The following VTA1 variants were observed in gnomAD, a reference collection of about 807,000 sequenced individuals.
The protein encoded by VTA1 is vacuolar protein sorting-associated protein VTA1 homolog.
A neutral mutation model predicts 36.9 loss-of-function variants in VTA1; 24 were observed. The observed-to-expected ratio is 0.65, with a 90% CI of 0.47 to 0.91. VTA1 has a LOEUF of 0.91. VTA1 is among the 40% of genes least tolerant of loss of function. VTA1 has a pLI of 0.00. For synonymous variants in VTA1, 142 were observed against 130.2 expected, an observed-to-expected ratio of 1.09 and a Z score of -0.62; for missense variants, 393 against 377.2, an observed-to-expected ratio of 1.04 and a Z score of -0.35.
Position 142,219,899 on chromosome 6 carries a change from G to A in VTA1, c.*1256G>A, listed in dbSNP as rs1776073650. 1 of 152,264 alleles carries A rather than the reference G, an allele frequency of 6.6e-6. No individual in the cohort carries two copies. The highest frequency in any genetic ancestry group is 2.4e-5 in the African/African-American group (1 of 41,554). 9.4% of individuals were successfully genotyped at this position (152,264 alleles called of 1,614,324 possible). Reference sequence around the variant, plus strand: ...ACACTCATTCATTTATGTTTTGTCTGTGGTTGCTTTCCACAACTGCAGAGT... The same window carrying A: ...ACACTCATTCATTTATGTTTTGTCTATGGTTGCTTTCCACAACTGCAGAGT... On this transcript the variant is annotated 3_prime_UTR_variant, in exon 8 of 8. Coordinates refer to ENST00000367630, the MANE Select transcript of VTA1 (RefSeq NM_016485.5).
At chr6:142,157,764 T>C (rs1778690188) in intron 1 of VTA1, among the ~76,000 whole-genome samples, 1 of 152,068 alleles carries the variant, frequency 6.6e-6, no homozygotes, top group South Asian at 2.1e-4. Context: ...TATAAGTTCC[T>C]ACTTTCACTG....
intron 7 of VTA1, among the ~76,000 whole-genome samples, chr6:142,206,199 G>A (rs1027308607): frequency 2.0e-5 from 3 of 152,150 alleles, no homozygotes; most frequent in Admixed American, 2.0e-4. Context: ...GAACTGATAA[G>A]CAATTGTAAC....
rs1209476399 is a variant in VTA1, at chr6:142,168,773, T to TATTATC, written c.208-772_208-771insCATTAT. Among the ~76,000 whole-genome samples, 5 of 144,644 alleles carry TATTATC rather than the reference T, an allele frequency of 3.5e-5. No individual in the cohort carries two copies. In the East Asian group the frequency reaches 5.9e-4, roughly 17 times the overall value. 94.9% of individuals were successfully genotyped at this position (144,644 alleles called of 152,430 possible). On this transcript the variant is annotated intron_variant, in intron 2 of 7. Coordinates refer to ENST00000367630, the MANE Select transcript of VTA1 (RefSeq NM_016485.5). ...TTATTATTATTATTATTATTATTAT[T>TATTATC]ATTATTATTTTGAGACAGAGTCTCG...
At chr6:142,187,959 G>T (rs1290721964) in intron 4 of VTA1, among the ~76,000 whole-genome samples, 15 of 143,032 alleles carry the variant, frequency 1.0e-4, no homozygotes, top group African/African-American at 3.9e-4. Flanking sequence ...AGCTGGGCTG[G>T]TGCAGTGGCG....
chr6:142,190,390 T>A (rs1194497251), intron 5 of VTA1, among the ~76,000 whole-genome samples: 1 of 152,188 alleles, frequency 6.6e-6, no homozygotes, highest in East Asian at 1.9e-4. Flanking sequence ...TATGCTCCAT[T>A]TTTTCATACA....
chr6:142,217,407 A>G (rs1280433933), intron 7 of VTA1, among the ~76,000 whole-genome samples: 1 of 152,126 alleles, frequency 6.6e-6, no homozygotes, highest in Non-Finnish European at 1.5e-5. Flanking sequence ...AAACAGTAGC[A>G]TCAATTGTTT....
intron 1 of VTA1, among the ~76,000 whole-genome samples, chr6:142,148,730 T>C (rs1408590038): frequency 1.3e-5 from 2 of 151,888 alleles, no homozygotes; most frequent in Non-Finnish European, 2.9e-5. Context: ...TGGCAGGGAG[T>C]GCAGATGGGA....
At chr6:142,186,111 C>T (rs1339515815) in intron 4 of VTA1, among the ~76,000 whole-genome samples, 1 of 152,068 alleles carries the variant, frequency 6.6e-6, no homozygotes, top group Non-Finnish European at 1.5e-5. Context: ...GAAAACCTTT[C>T]TGAGGAAGTG....
intron 1 of VTA1, among the ~76,000 whole-genome samples, chr6:142,155,034 A>G (rs955019890): frequency 2.0e-5 from 3 of 152,026 alleles, no homozygotes; most frequent in African/African-American, 7.2e-5. Context: ...TTAGAAAAAT[A>G]TTTTCCTCTT....
intron 1 of VTA1, among the ~76,000 whole-genome samples, chr6:142,152,161 A>G (rs1014502993): frequency 2.6e-5 from 4 of 152,078 alleles, no homozygotes; most frequent in Non-Finnish European, 5.9e-5. Context: ...AGTTTTCCCA[A>G]TCCTTTCTGC....
At chr6:142,191,097 G>T (rs1416965883) in intron 5 of VTA1, among the ~76,000 whole-genome samples, 2 of 151,950 alleles carry the variant, frequency 1.3e-5, no homozygotes, top group African/African-American at 4.8e-5. Context: ...GGATTTTTAT[G>T]TTGACATTTA....
rs1306654141 is a variant in VTA1 at position 142,223,376 on chromosome 6, G to T, written c.*4733G>T. The T allele has an allele frequency of 6.6e-6, 1 of 152,232 alleles. No individual in the cohort carries two copies. The highest frequency in any genetic ancestry group is 1.9e-4 in the East Asian group (1 of 5,178). 9.4% of individuals were successfully genotyped at this position (152,232 alleles called of 1,614,324 possible). A position where few individuals can be genotyped will look rare whatever the true frequency, so the allele number is the denominator to read the frequency against. ...GAGTCTGGGTTTCCCAGATGTGCCT[G>T]TTTTATCCTTTTTATTTTAAATAAC... On this transcript the variant is annotated 3_prime_UTR_variant, in exon 8 of 8. Coordinates refer to ENST00000367630, the MANE Select transcript of VTA1 (RefSeq NM_016485.5).
chr6:142,210,954 G>T (rs568529237), intron 7 of VTA1, among the ~76,000 whole-genome samples: 9 of 152,208 alleles, frequency 5.9e-5, no homozygotes, highest in African/African-American at 2.2e-4. Context: ...AAGAAAATGT[G>T]GTGTGTATAC....
chr6:142,192,703 TG>T (rs1203099205), intron 5 of VTA1, among the ~76,000 whole-genome samples: 2 of 13,382 alleles, frequency 1.5e-4, no homozygotes, highest in Non-Finnish European at 3.2e-4. Flanking sequence ...TTTATATATT[TG>T]TGTGTGTGTG....
chr6:142,212,014 C>T (rs1192544508), intron 7 of VTA1, among the ~76,000 whole-genome samples: 1 of 152,198 alleles, frequency 6.6e-6, no homozygotes. Flanking sequence ...ACATTGACAG[C>T]ACCAAATGCT....
At chr6:142,163,154 A>G (rs1367820800) in intron 1 of VTA1, among the ~76,000 whole-genome samples, 3 of 152,182 alleles carry the variant, frequency 2.0e-5, no homozygotes, top group Admixed American at 6.6e-5. Context: ...GCAGTACCCT[A>G]TGTTAGTACA....
intron 4 of VTA1, among the ~76,000 whole-genome samples, chr6:142,176,900 TACTGAG>T (rs1399497693): frequency 2.6e-5 from 4 of 152,166 alleles, no homozygotes; most frequent in Non-Finnish European, 5.9e-5. Context: ...GCTGCACATT[TACTGAG>T]GCAATAAGGC....
intron 1 of VTA1, among the ~76,000 whole-genome samples, chr6:142,163,999 C>G (rs1481834490): frequency 6.6e-6 from 1 of 152,032 alleles, no homozygotes; most frequent in Admixed American, 6.6e-5. Context: ...TTGCCAATCC[C>G]TGGGATCATA....
intron 1 of VTA1, among the ~76,000 whole-genome samples, chr6:142,148,330 A>G (rs561513052): frequency 6.6e-6 from 1 of 152,296 alleles, no homozygotes; most frequent in South Asian, 2.1e-4. Context: ...CAGACCTACC[A>G]TCTTCCACTC....
Sources: allele counts gnomAD v4.1 joint callset (sites outside exome capture counted in the v4.1 genomes callset), GRCh38; gene constraint gnomAD v4.1.1; transcripts MANE v1.5; gene names NCBI Gene and HGNC (gene_info 2026-07-23, HGNC 2026-07-21).